The following FAAP100 variants were observed in gnomAD, a reference collection of about 807,000 sequenced individuals.
FAAP100 encodes FA core complex associated protein 100.
In FAAP100, 46 loss-of-function variants were observed where a neutral mutation model predicts 65.8. The ratio of observed to expected loss-of-function variants is 0.70; its 90% CI spans 0.55 to 0.89. The LOEUF (loss-of-function observed/expected upper bound fraction) is 0.89. FAAP100 is among the 40% of genes least tolerant of loss of function. The pLI is 0.00. For missense variants in FAAP100, 1,165 were observed against 1,196.7 expected (o/e 0.97, Z 0.39); for synonymous variants, 663 against 555.1 (o/e 1.19, Z -2.73).
chr17:81,547,306 G>A lies in FAAP100; in HGVS notation c.1776C>T (p.Leu592=), dbSNP rs142275212. The change falls in exon 5 of 9, where the codon CTC becomes CTT. Residue 592 remains leucine (L), a synonymous_variant. Transcript: ENST00000327787. ...LPLGPGENGG[L]DLPVTVSCTL... ...TGCAGGACACGGTCACGGGCAGGTC[G>A]AGCCCGCCGTTCTCACCAGGGCCCA... 1,146 of 1,612,160 alleles carry A rather than the reference G, an allele frequency of 7.1e-4. 8 individuals carry two copies. Among genetic ancestry groups the A allele is most frequent in the African/African-American group, 1.9e-3 (144 of 75,048 alleles).
chr17:81,542,279 C>G (rs1164324281), intron 7 of FAAP100, among the ~76,000 whole-genome samples: 1 of 134,370 alleles, frequency 7.4e-6, no homozygotes, highest in South Asian at 2.4e-4. Context: ...CCCAGCTATT[C>G]GGGAGGCTGA....
chr17:81,540,977 GC>G, intron 8 of FAAP100, 27 bp from the exon 9 acceptor site: 5 of 1,550,102 alleles, frequency 3.2e-6, no homozygotes, highest in Non-Finnish European at 8.7e-7. Context: ...CACAGCTCAG[GC>G]CCCCCACCTG....
chr17:81,542,569 C>T (rs1055678649), intron 7 of FAAP100, among the ~76,000 whole-genome samples: 5 of 152,084 alleles, frequency 3.3e-5, no homozygotes, highest in Non-Finnish European at 5.9e-5. Flanking sequence ...GTTCCTGGGG[C>T]GGGCACCTAG....
chr17:81,541,239 A>AG lies in FAAP100; in HGVS notation c.2514+69dup, dbSNP rs1295817938. On this transcript the variant is annotated intron_variant, in intron 8 of 8. Coordinates refer to ENST00000327787, the MANE Select transcript of FAAP100 (RefSeq NM_025161.6). ...GACTCTGCGGACCCCGAGTGACTAG[A>AG]GGGGGGCCTGGCGATGGGCGCTCCT... is the stretch of plus-strand genomic sequence containing the variant. 4.5e-5 allele frequency: 66 copies of AG among 1,474,906 alleles called. No individual in the cohort carries two copies. In the South Asian group the frequency reaches 4.5e-4, roughly 10 times the overall value. The allele number at this position is 1,474,906 out of a possible 1,614,324, so 91.4% of individuals were successfully genotyped here.
intron 4 of FAAP100, chr17:81,548,226 TTC>T (rs1417373745): frequency 5.3e-6 from 3 of 568,550 alleles, no homozygotes; most frequent in Admixed American, 6.0e-5. Context: ...ACTCAGTGTG[TTC>T]TCTCTGAACG....
In FAAP100 at chr17:81,545,883, C is replaced by G; in HGVS notation, c.2174-1G>C. 6.2e-7 allele frequency: 1 copy of G among 1,604,840 alleles called. No individual in the cohort carries two copies. The highest frequency in any genetic ancestry group is 8.5e-7 in the Non-Finnish European group (1 of 1,179,496). The stretch of plus-strand genomic sequence containing the variant: ...AGGGTGGCACAGCACAGGGGCACGC[C>G]TGGAGGGGAGGCATCAGCCGAGAGC... On this transcript the variant is annotated splice_acceptor_variant, in intron 5 of 8. Coordinates refer to ENST00000327787, the MANE Select transcript of FAAP100 (RefSeq NM_025161.6). LOFTEE classifies it high-confidence loss of function.
chr17:81,552,502 C>T (rs1053117408), upstream of FAAP100: 5 of 530,220 alleles, frequency 9.4e-6, no homozygotes, highest in Admixed American at 9.0e-5. Context: ...CTGGGGCGGT[C>T]GCTGGTACCC....
At chr17:81,551,270 A>T in intron 2 of FAAP100, 67 bp from the exon 3 acceptor site, 1 of 1,409,326 alleles carries the variant, frequency 7.1e-7, no homozygotes, top group South Asian at 1.5e-5. Flanking sequence ...CTTCACAATA[A>T]CCTGGCATGG....
intron 4 of FAAP100, chr17:81,548,096 A>G (rs567522144): frequency 1.6e-6 from 1 of 627,562 alleles, no homozygotes; most frequent in East Asian, 2.7e-5. Context: ...CTTCACAGTG[A>G]AAACCAGGGG....
chr17:81,547,897 GA>G (rs2033368618), intron 4 of FAAP100: 2 of 714,326 alleles, frequency 2.8e-6, no homozygotes, highest in African/African-American at 3.5e-5. Flanking sequence ...CATCTGACCT[GA>G]CCTCTCCTCT....
At chr17:81,542,028 G>A (rs1283202722) in intron 7 of FAAP100, among the ~76,000 whole-genome samples, 4 of 150,506 alleles carry the variant, frequency 2.7e-5, no homozygotes, top group African/African-American at 9.7e-5. Flanking sequence ...TTAGCCGGGC[G>A]TAGTGGCGGG....
rs112038587 is a variant in FAAP100 at position 81,547,092 on chromosome 17, G to A, written c.1990C>T (p.Arg664Trp). ...RFPGLAPPHTRAPSPLGPTRD... is the reference protein window; with the variant it reads ...RFPGLAPPHTWAPSPLGPTRD... ...GTGGGGCCGAGTGGGGAGGGGGCCC[G>A]TGTGTGTGGCGGGGCCAGGCCAGGG... The change falls in exon 5 of 9, where the codon CGG becomes TGG. Residue 664 changes from arginine to tryptophan, a missense_variant. Arg to Trp is a moderately radical substitution (Grantham distance 101). Coordinates refer to ENST00000327787, the MANE Select transcript of FAAP100 (RefSeq NM_025161.6). 106 of 1,532,254 alleles carry A rather than the reference G, an allele frequency of 6.9e-5. No homozygotes were observed. In the African/African-American group the frequency reaches 8.2e-4, roughly 12 times the overall value. 94.9% of individuals were successfully genotyped at this position (1,532,254 alleles called of 1,614,324 possible). A position where few individuals can be genotyped will look rare whatever the true frequency, so the allele number is the denominator to read the frequency against.
chr17:81,542,499 CG>C (rs1413501583), intron 7 of FAAP100, among the ~76,000 whole-genome samples: 1 of 152,124 alleles, frequency 6.6e-6, no homozygotes, highest in Non-Finnish European at 1.5e-5. Flanking sequence ...ACTGGCCTGC[CG>C]GGGGCTCCAG....
chr17:81,552,163 C>T lies in FAAP100; in HGVS notation c.165+3G>A. Reference sequence around the variant, plus strand: ...CCTCCCGCCCCCGCGGGCCGGCGCTCACGGTCAGCAGCCCGCCCTCCTGGT... The same window carrying T: ...CCTCCCGCCCCCGCGGGCCGGCGCTTACGGTCAGCAGCCCGCCCTCCTGGT... On this transcript the variant is annotated splice_donor_region_variant and intron_variant, in intron 1 of 8. Transcript: ENST00000327787. 1.3e-6 allele frequency: 2 copies of T among 1,493,100 alleles called. No individual in the cohort carries two copies. Among genetic ancestry groups the T allele is most frequent in the Non-Finnish European group, 1.8e-6 (2 of 1,128,672 alleles). 92.5% of individuals were successfully genotyped at this position (1,493,100 alleles called of 1,614,324 possible).
At position 81,547,351 on chromosome 17, in the gene FAAP100, C is replaced by T; in HGVS notation, c.1731G>A (p.Arg577=). 6.2e-7 allele frequency: 1 copy of T among 1,612,774 alleles called. No individual in the cohort carries two copies. The highest frequency in any genetic ancestry group is 8.5e-7 in the Non-Finnish European group (1 of 1,179,930). Residue 577 remains arginine (R), a synonymous_variant, in exon 5 of 9, where the codon CGG becomes CGA. Transcript: ENST00000327787. The part of the protein sequence containing the change: ...IPVDQLGPGA[R]REVTLPLGPG... ...GGCCCAGGGGTAGCGTCACCTCCCG[C>T]CGAGCACCGGGGCCGAGCTGGTCCA...
rs1175933133 is a variant in FAAP100, at chr17:81,545,690, G to A, written c.2310+56C>T. On this transcript the variant is annotated intron_variant, in intron 6 of 8. Transcript: ENST00000327787. ...GGGTCCTCCCGAGCTCCGGCCCAGG[G>A]GCCCCACCCCAAGAACTGCTGGTGC... The A allele has an allele frequency of 7.0e-6, 11 of 1,564,776 alleles. No individual in the cohort carries two copies. The East Asian group carries it at 1.2e-4, about 16-fold the overall frequency.
chr17:81,549,170 C>T lies in FAAP100; in HGVS notation c.1403+36G>A, dbSNP rs187776610. On this transcript the variant is annotated intron_variant, in intron 4 of 8. Transcript: ENST00000327787. ...GGACGCTACCTCCCAAGGATGGCAG[C>T]GCCAGCCTCTACCCGGTCCGAGCTG... The T allele has an allele frequency of 7.2e-4, 1,153 of 1,604,590 alleles. 13 individuals are homozygous for T. The African/African-American group carries it at 0.014, about 19-fold the overall frequency.
rs1346226819 is a variant in FAAP100, at chr17:81,540,714, A to C, written c.*105T>G. ...ACGTGGCCAGGTCCTACCTTCCCTG[A>C]CGGCTCTGGCCAGGCCAGCTCGGTT... On this transcript the variant is annotated 3_prime_UTR_variant, in exon 9 of 9. Coordinates refer to ENST00000327787, the MANE Select transcript of FAAP100 (RefSeq NM_025161.6). 2 of 1,358,628 alleles carry C rather than the reference A, an allele frequency of 1.5e-6. No individual in the cohort carries two copies. The highest frequency in any genetic ancestry group is 5.3e-5 in the East Asian group (2 of 37,612). 84.2% of individuals were successfully genotyped at this position (1,358,628 alleles called of 1,614,324 possible).
chr17:81,549,111 C>T (rs2033406721), intron 4 of FAAP100, 95 bp downstream of exon 4: 14 of 1,419,982 alleles, frequency 9.9e-6, no homozygotes, highest in East Asian at 2.4e-5. Flanking sequence ...CGTTGCCACC[C>T]GAGGACACTC....
Sources: allele counts gnomAD v4.1 joint callset (sites outside exome capture counted in the v4.1 genomes callset), GRCh38; gene constraint gnomAD v4.1.1; transcripts MANE v1.5; gene names NCBI Gene and HGNC (gene_info 2026-07-23, HGNC 2026-07-21).